Variants in PTPRG observed in about 807,000 individuals in gnomAD.
PTPRG encodes the protein protein tyrosine phosphatase receptor type G.
In PTPRG, 102 loss-of-function variants were observed where a neutral mutation model predicts 165.3. That is an observed-to-expected ratio of 0.62 (90% CI 0.53 to 0.73). The LOEUF (loss-of-function observed/expected upper bound fraction) is 0.73, where lower values mean the gene tolerates loss of function less well. Ranked by LOEUF, PTPRG falls within the 30% of genes least tolerant of loss-of-function variation. The probability of loss-of-function intolerance (pLI) is 0.00; values close to 1 mark genes in which losing one functional copy is unlikely to be tolerated. For missense variants in PTPRG, 1,866 were observed against 1,861.4 expected, an observed-to-expected ratio of 1.00 and a Z score of -0.05; for synonymous variants, 675 against 669.5, an observed-to-expected ratio of 1.01 and a Z score of -0.13.
intron 2 of PTPRG, among the ~76,000 whole-genome samples, chr3:61,781,094 A>G (rs2034531910): frequency 6.6e-6 from 1 of 152,236 alleles, no homozygotes; most frequent in African/African-American, 2.4e-5. Context: ...CAACACATGG[A>G]TATATTAAAA....
intron 4 of PTPRG, among the ~76,000 whole-genome samples, chr3:62,077,773 G>C (rs1022000286): frequency 2.0e-5 from 3 of 152,120 alleles, no homozygotes; most frequent in Non-Finnish European, 4.4e-5. Flanking sequence ...GGAGGCCAAA[G>C]CAAGCAGATC....
intron 10 of PTPRG, among the ~76,000 whole-genome samples, chr3:62,199,839 G>A (rs1700056967): frequency 6.6e-6 from 1 of 152,184 alleles, no homozygotes; most frequent in Non-Finnish European, 1.5e-5. Context: ...GCCAAAAGGT[G>A]AAAGCAACCT....
chr3:62,289,462 G>A (rs1444159037), intron 28 of PTPRG, among the ~76,000 whole-genome samples: 1 of 152,050 alleles, frequency 6.6e-6, no homozygotes, highest in Non-Finnish European at 1.5e-5. Context: ...AAATGTATAG[G>A]CCAAGTCTTG....
intron 16 of PTPRG, among the ~76,000 whole-genome samples, chr3:62,257,044 G>A (rs1701552435): frequency 6.6e-6 from 1 of 151,246 alleles, no homozygotes; most frequent in South Asian, 2.1e-4. Context: ...TGAAAGGGCT[G>A]TTGTGATTTC....
intron 8 of PTPRG, among the ~76,000 whole-genome samples, chr3:62,178,649 A>G (rs1161235327): frequency 1.3e-5 from 2 of 152,360 alleles, no homozygotes; most frequent in African/African-American, 4.8e-5. Context: ...GCTCTCAGGC[A>G]GAATCGGCTG....
At chr3:61,646,809 C>T (rs1387703256) in intron 1 of PTPRG, among the ~76,000 whole-genome samples, 1 of 152,168 alleles carries the variant, frequency 6.6e-6, no homozygotes, top group East Asian at 1.9e-4. Flanking sequence ...CCCCCACATC[C>T]CTAACCTCTA....
At chr3:62,207,041 C>T (rs1700249480) in intron 12 of PTPRG, among the ~76,000 whole-genome samples, 1 of 151,872 alleles carries the variant, frequency 6.6e-6, no homozygotes, top group South Asian at 2.1e-4. Context: ...AAAAAACTTC[C>T]TTGAAAATTT....
At chr3:61,774,555 C>G (rs1262027487) in intron 2 of PTPRG, among the ~76,000 whole-genome samples, 1 of 152,194 alleles carries the variant, frequency 6.6e-6, no homozygotes, top group East Asian at 1.9e-4. Context: ...CTGGCAACTT[C>G]AGTTGGATGC....
At chr3:61,807,552 G>C (rs1285111244) in intron 2 of PTPRG, among the ~76,000 whole-genome samples, 2 of 152,166 alleles carry the variant, frequency 1.3e-5, no homozygotes, top group Non-Finnish European at 2.9e-5. Context: ...GCAAGTTCCA[G>C]TAGTTAGCTG....
intron 8 of PTPRG, among the ~76,000 whole-genome samples, chr3:62,178,811 C>T (rs1261045838): frequency 1.3e-5 from 2 of 152,204 alleles, no homozygotes; most frequent in Non-Finnish European, 2.9e-5. Context: ...CCTACTCTGG[C>T]TTTCTTTGCT....
rs527285909 is a variant in PTPRG, at chr3:61,747,949, G to A, written c.86-929G>A. Among the ~76,000 whole-genome samples the A allele has an allele frequency of 3.3e-5, 5 of 152,306 alleles. No homozygotes were observed. In the East Asian group the frequency reaches 5.8e-4, roughly 18 times the overall value. On this transcript the variant is annotated intron_variant, in intron 1 of 29. Coordinates refer to ENST00000474889, the MANE Select transcript of PTPRG (RefSeq NM_002841.4). Reference sequence around the variant, plus strand: ...TTCTTATACATCAGTGTTTTCAGGTGTGGGCTCACAACAAAAGAAATCCGC... The same window carrying A: ...TTCTTATACATCAGTGTTTTCAGGTATGGGCTCACAACAAAAGAAATCCGC...
intron 2 of PTPRG, 150 bp downstream of exon 2, chr3:61,749,132 T>G (rs1455310949): frequency 2.7e-6 from 2 of 749,338 alleles, no homozygotes; most frequent in South Asian, 3.0e-5. Context: ...TCGAGCCTGT[T>G]TTTCCTCAAG....
At chr3:62,235,461 G>C (rs1016034966) in intron 14 of PTPRG, among the ~76,000 whole-genome samples, 4 of 152,172 alleles carry the variant, frequency 2.6e-5, no homozygotes, top group African/African-American at 9.7e-5. Flanking sequence ...TCAAAATGTG[G>C]TTTCTGAAGA....
chr3:61,872,446 G>C (rs532867830), intron 2 of PTPRG, among the ~76,000 whole-genome samples: 1 of 152,286 alleles, frequency 6.6e-6, no homozygotes, highest in East Asian at 1.9e-4. Context: ...TCAGTAACTT[G>C]TGATCTTGGA....
In PTPRG at chr3:62,229,116, T is replaced by C. The variant is rs1314983780; in HGVS notation, c.2289-2109T>C. Among the ~76,000 whole-genome samples the C allele has an allele frequency of 6.6e-6, 1 of 152,228 alleles. No individual in the cohort carries two copies. The highest frequency in any genetic ancestry group is 1.5e-5 in the Non-Finnish European group (1 of 68,040). ...CATTTTGTGGTGCCAAAATATGGCT[T>C]GCCTCAGAGGGTTTGAGTTTATGAC... On this transcript the variant is annotated intron_variant, in intron 13 of 29. Coordinates refer to ENST00000474889, the MANE Select transcript of PTPRG (RefSeq NM_002841.4). This position sits in a 1 kb window ranked among gnomAD's most constrained non-coding sequence, Gnocchi z 4.6.
intron 5 of PTPRG, among the ~76,000 whole-genome samples, chr3:62,079,455 T>C (rs189804136): frequency 7.9e-4 from 121 of 152,260 alleles, no homozygotes; most frequent in Non-Finnish European, 1.2e-3. Context: ...TAAAATAATA[T>C]AGAATAGGAA....
At chr3:61,663,959 T>C (rs1702737615) in intron 1 of PTPRG, among the ~76,000 whole-genome samples, 1 of 152,120 alleles carries the variant, frequency 6.6e-6, no homozygotes, top group Non-Finnish European at 1.5e-5. Flanking sequence ...GTCTGTGTCC[T>C]GGGGGTTGGG....
chr3:61,767,787 A>T (rs2034075084), intron 2 of PTPRG, among the ~76,000 whole-genome samples: 1 of 151,848 alleles, frequency 6.6e-6, no homozygotes. Context: ...TAAGCAACAT[A>T]GTGGGATCCC....
chr3:62,268,415 GCAT>G (rs1701953924), intron 19 of PTPRG, among the ~76,000 whole-genome samples: 1 of 152,036 alleles, frequency 6.6e-6, no homozygotes, highest in South Asian at 2.1e-4. Flanking sequence ...GTTGATAGGT[GCAT>G]CAAACCACTA....
Sources: allele counts gnomAD v4.1 joint callset (sites outside exome capture counted in the v4.1 genomes callset), GRCh38; gene constraint gnomAD v4.1.1; non-coding constraint Gnocchi (gnomAD v3.1); transcripts MANE v1.5; gene names NCBI Gene and HGNC (gene_info 2026-07-23, HGNC 2026-07-21).